POLQ: variants seen among roughly 807,000 people sequenced by gnomAD.
The protein encoded by POLQ is DNA polymerase theta.
POLQ carries 233 observed loss-of-function variants against 259.2 expected under a neutral mutation model. The ratio of observed to expected loss-of-function variants is 0.90; its 90% CI spans 0.81 to 1.00. POLQ has a LOEUF of 1.00. Ranked by LOEUF, POLQ falls within the 50% of genes least tolerant of loss-of-function variation. POLQ has a pLI of 0.00. For missense variants in POLQ, 2,871 were observed against 3,051.6 expected, an observed-to-expected ratio of 0.94 and a Z score of 1.39; for synonymous variants, 1,025 against 1,048.8, an observed-to-expected ratio of 0.98 and a Z score of 0.44.
intron 6 of POLQ, among the ~76,000 whole-genome samples, chr3:121,530,259 T>C (rs950012683): frequency 1.3e-5 from 2 of 152,192 alleles, no homozygotes; most frequent in Admixed American, 6.5e-5. Flanking sequence ...CAGCACAGTA[T>C]TCGTTAAATT....
rs2047501344 is a variant in POLQ, at chr3:121,432,350, A to T, written c.7727T>A (p.Val2576Glu). 9.9e-6 allele frequency: 16 copies of T among 1,608,348 alleles called. No homozygotes were observed. The highest frequency in any genetic ancestry group is 1.4e-5 in the Non-Finnish European group (16 of 1,177,424). ...CTCTCCCCAGCTGGCGCCTATTTTC[A>T]CTTTCACTTTCAATTTCACAGACAG... The part of the protein sequence containing the change: ...VKLSVKLKVK[V>E]KIGASWGELK... Residue 2576 changes from valine (V) to glutamate (E), a missense_variant, in exon 30 of 30, where the codon GTG becomes GAG. Physicochemically the swap from Val to Glu is moderately radical, Grantham distance 121. Transcript: ENST00000264233.
At chr3:121,504,574 G>A (rs1278136178) in intron 12 of POLQ, among the ~76,000 whole-genome samples, 1 of 152,114 alleles carries the variant, frequency 6.6e-6, no homozygotes, top group Non-Finnish European at 1.5e-5. Context: ...ACCACACAAA[G>A]ACATCACGAG....
intron 12 of POLQ, among the ~76,000 whole-genome samples, chr3:121,507,813 C>T (rs1183721757): frequency 6.6e-6 from 1 of 152,070 alleles, no homozygotes; most frequent in Non-Finnish European, 1.5e-5. Flanking sequence ...GTCTAAATTC[C>T]TATAACTTTT....
At chr3:121,484,352 A>G (rs1415871092) in intron 17 of POLQ, among the ~76,000 whole-genome samples, 1 of 152,206 alleles carries the variant, frequency 6.6e-6, no homozygotes, top group Non-Finnish European at 1.5e-5. Context: ...CTCTAGCTCA[A>G]CATTCCCTCT....
At chr3:121,461,525 C>T (rs2047791185) in intron 24 of POLQ, among the ~76,000 whole-genome samples, 1 of 151,898 alleles carries the variant, frequency 6.6e-6, no homozygotes, top group African/African-American at 2.4e-5. Context: ...GTGGAGCATG[C>T]CTGTAATCCC....
At chr3:121,466,802 T>G (rs1470527470) in intron 24 of POLQ, among the ~76,000 whole-genome samples, 1 of 152,106 alleles carries the variant, frequency 6.6e-6, no homozygotes, top group Non-Finnish European at 1.5e-5. Context: ...AAACTAAAAA[T>G]TGCCAAGCAG....
At chr3:121,481,226 C>G (rs932319108) in intron 19 of POLQ, among the ~76,000 whole-genome samples, 1 of 152,154 alleles carries the variant, frequency 6.6e-6, no homozygotes. Context: ...TGCATAAATG[C>G]GATTTTGTAA....
chr3:121,499,828 AT>A (rs1385880427), intron 12 of POLQ, among the ~76,000 whole-genome samples: 1 of 152,246 alleles, frequency 6.6e-6, no homozygotes, highest in Non-Finnish European at 1.5e-5. Context: ...AGCTATTGAA[AT>A]AAGTAAAGAC....
chr3:121,533,766 G>A (rs1050463866), intron 5 of POLQ, among the ~76,000 whole-genome samples: 1 of 151,622 alleles, frequency 6.6e-6, no homozygotes, highest in Non-Finnish European at 1.5e-5. Context: ...TACCCACCTC[G>A]GCCTCCCGAA....
intron 7 of POLQ, among the ~76,000 whole-genome samples, chr3:121,525,469 G>A (rs983043150): frequency 2.6e-5 from 4 of 152,084 alleles, no homozygotes; most frequent in Admixed American, 6.6e-5. Context: ...AAACAGAAGG[G>A]GTTCATCTTG....
intron 28 of POLQ, among the ~76,000 whole-genome samples, chr3:121,434,302 C>T (rs1343501371): frequency 2.0e-5 from 3 of 152,192 alleles, no homozygotes; most frequent in African/African-American, 4.8e-5. Context: ...AGAGCCATAT[C>T]GCCTTCCACT....
intron 24 of POLQ, among the ~76,000 whole-genome samples, chr3:121,461,256 T>C (rs2047789235): frequency 6.6e-6 from 1 of 152,232 alleles, no homozygotes; most frequent in Non-Finnish European, 1.5e-5. Flanking sequence ...TTTTACTCTA[T>C]GACTCAGCAA....
intron 12 of POLQ, among the ~76,000 whole-genome samples, chr3:121,501,446 T>C (rs900990433): frequency 7.1e-6 from 1 of 141,520 alleles, no homozygotes; most frequent in East Asian, 2.2e-4. Flanking sequence ...GATCACGAGG[T>C]CAGGAGATCG....
intron 25 of POLQ, among the ~76,000 whole-genome samples, chr3:121,456,758 T>C (rs2047742400): frequency 6.6e-6 from 1 of 152,130 alleles, no homozygotes; most frequent in Non-Finnish European, 1.5e-5. Flanking sequence ...GGAAGAACAT[T>C]CCATGCTCAT....
intron 2 of POLQ, among the ~76,000 whole-genome samples, chr3:121,541,684 A>C (rs1268438724): frequency 6.6e-6 from 1 of 152,128 alleles, no homozygotes; most frequent in Non-Finnish European, 1.5e-5. Flanking sequence ...AAACAGAGTA[A>C]ATAAATCTTT....
intron 19 of POLQ, among the ~76,000 whole-genome samples, chr3:121,479,437 T>C (rs1419899126): frequency 6.6e-6 from 1 of 151,700 alleles, no homozygotes; most frequent in Non-Finnish European, 1.5e-5. Flanking sequence ...TTGAGGAAAA[T>C]TTATAGCTAT....
At chr3:121,433,900 GTTC>G (rs1158334670) in intron 28 of POLQ, among the ~76,000 whole-genome samples, 1 of 152,200 alleles carries the variant, frequency 6.6e-6, no homozygotes, top group African/African-American at 2.4e-5. Flanking sequence ...CAGGGAGAGA[GTTC>G]TTCAACTGTC....
At position 121,485,896 on chromosome 3, in the gene POLQ, C is replaced by A. The variant is rs183752321; in HGVS notation, c.5630-712G>T. 1.6e-3 allele frequency among the ~76,000 whole-genome samples: 240 copies of A among 152,344 alleles called. 1 individual carries two copies. The highest frequency in any genetic ancestry group is 5.5e-3 in the African/African-American group (227 of 41,572). Reference sequence around the variant, plus strand: ...ATTGAAAATCAGACAAATACTCAAACCTTTATGAACAAATTAATTCATAAA... The same window carrying A: ...ATTGAAAATCAGACAAATACTCAAAACTTTATGAACAAATTAATTCATAAA... On this transcript the variant is annotated intron_variant, in intron 16 of 29. Transcript: ENST00000264233.
At position 121,489,043 on chromosome 3, in the gene POLQ, AC is replaced by A. The variant is rs1242397936; in HGVS notation, c.3887del (p.Gly1296ValfsTer16). On this transcript the variant is annotated frameshift_variant, in exon 16 of 30. Transcript: ENST00000264233. LOFTEE classifies it high-confidence loss of function. Reference protein sequence around the residue: ...LNISRLQEKTGTYTTNKTKNN... With the variant: ...LNISRLQEKTXTYTTNKTKNN... ...TTTTAGTTTTGTTTGTTGTATAAGT[AC>A]CTGTTTTTTCTTGTAGTCTAGAAAT... 6.2e-7 allele frequency: 1 copy of A among 1,613,278 alleles called. No individual in the cohort carries two copies. Among genetic ancestry groups the A allele is most frequent in the Non-Finnish European group, 8.5e-7 (1 of 1,179,446 alleles).
Sources: gnomAD v4.1 joint callset for allele counts (sites outside exome capture counted in the v4.1 genomes callset) on GRCh38, gnomAD v4.1.1 for gene constraint, MANE v1.5 for transcripts, NCBI Gene and HGNC (gene_info 2026-07-23, HGNC 2026-07-21) for gene names.